Variants in SMPX observed in about 807,000 individuals in gnomAD.
SMPX encodes small muscle protein X-linked, also known as small muscular protein.
Under a neutral mutation model 6.3 loss-of-function variants are expected in SMPX, and 2 were observed. The observed-to-expected ratio is 0.32, with a 90% confidence interval of 0.13 to 0.99. SMPX has a LOEUF of 0.99. SMPX is among the 50% of genes least tolerant of loss of function. The probability of loss-of-function intolerance (pLI) is 0.49; values close to 1 mark genes in which losing one functional copy is unlikely to be tolerated. For synonymous variants in SMPX, 32 were observed against 24.7 expected (o/e 1.30, Z -0.88); for missense variants, 60 against 66.8 (o/e 0.90, Z 0.36).
At chrX:21,756,451 A>G (rs1416337102) in intron 1 of SMPX, among the ~76,000 whole-genome samples, 1 of 112,263 alleles carries the variant, frequency 8.9e-6, no homozygotes, top group Non-Finnish European at 1.9e-5. Flanking sequence ...ATCTCTTAAC[A>G]TGCATGTCAA....
At chrX:21,744,246 C>T (rs140498007) in intron 2 of SMPX, among the ~76,000 whole-genome samples, 5 of 111,643 alleles carry the variant, frequency 4.5e-5, no homozygotes, top group East Asian at 5.6e-4. Flanking sequence ...GCCCTCCTTC[C>T]GGTCCCTTCA....
rs1010496358 is a variant in SMPX at position 21,721,584 on chromosome X, C to T, written c.*15-15190G>A. ...AGACCAAGACACACATCAGGATCAC[C>T]TGAAGATTCTGTGAAACATACCCAT... On this transcript the variant is annotated intron_variant, in intron 4 of 4. Coordinates refer to ENST00000379494, the MANE Select transcript of SMPX (RefSeq NM_014332.3). Among the ~76,000 whole-genome samples the T allele has an allele frequency of 2.7e-5, 3 of 112,389 alleles. No individual in the cohort carries two copies. The Admixed American group carries it at 2.8e-4, about 11-fold the overall frequency.
At chrX:21,711,857 A>G (rs1478299812) in intron 4 of SMPX, among the ~76,000 whole-genome samples, 2 of 112,584 alleles carry the variant, frequency 1.8e-5, no homozygotes, top group Admixed American at 1.9e-4. Flanking sequence ...TTCCATATGC[A>G]ATGGCCAACC....
intron 4 of SMPX, among the ~76,000 whole-genome samples, chrX:21,717,712 T>C (rs2092786810): frequency 8.9e-6 from 1 of 112,054 alleles, no homozygotes. Context: ...CAGTCCTCCA[T>C]TGTGATGGGT....
chrX:21,739,480 G>A (rs758214420), intron 3 of SMPX, among the ~76,000 whole-genome samples: 2 of 112,013 alleles, frequency 1.8e-5, no homozygotes, highest in South Asian at 7.6e-4. Flanking sequence ...TAAATATCTG[G>A]AAAATACTGT....
At chrX:21,722,496 G>A (rs1351769831) in intron 4 of SMPX, among the ~76,000 whole-genome samples, 2 of 111,509 alleles carry the variant, frequency 1.8e-5, no homozygotes, top group Non-Finnish European at 3.8e-5. Context: ...AAAAAGTTAA[G>A]AAAAAAAACA....
At chrX:21,731,441 G>A (rs1188332714) in intron 4 of SMPX, among the ~76,000 whole-genome samples, 2 of 91,279 alleles carry the variant, frequency 2.2e-5, no homozygotes, top group South Asian at 1.1e-3. Flanking sequence ...GTGTGTATGT[G>A]TACACATACA....
chrX:21,748,538 A>G (rs955688601), intron 2 of SMPX, among the ~76,000 whole-genome samples: 3 of 111,736 alleles, frequency 2.7e-5, no homozygotes, highest in Non-Finnish European at 5.6e-5. Flanking sequence ...TTTTGCAAGT[A>G]TGTGTCTGCT....
At chrX:21,724,160 A>G (rs779470692) in intron 4 of SMPX, among the ~76,000 whole-genome samples, 1 of 112,285 alleles carries the variant, frequency 8.9e-6, no homozygotes, top group Admixed American at 9.4e-5. Flanking sequence ...GGTGTCTGGG[A>G]CACCATTTCT....
intron 3 of SMPX, among the ~76,000 whole-genome samples, chrX:21,743,089 A>C (rs751826145): frequency 8.9e-6 from 1 of 112,181 alleles, no homozygotes; most frequent in Non-Finnish European, 1.9e-5. Flanking sequence ...CCTCCAATTT[A>C]GCAGATCGGG....
chrX:21,750,169 T>C (rs1053403232), intron 2 of SMPX, among the ~76,000 whole-genome samples: 1 of 111,644 alleles, frequency 9.0e-6, no homozygotes, highest in African/African-American at 3.3e-5. Flanking sequence ...AGATCATTGA[T>C]GGGATTAGAT....
chrX:21,743,750 C>T lies in SMPX; in HGVS notation c.132G>A (p.Glu44=), dbSNP rs199907508. 756 of 1,198,986 alleles carry T rather than the reference C, an allele frequency of 6.3e-4. 1 individual carries two copies. Among genetic ancestry groups the T allele is most frequent in the Non-Finnish European group, 8.2e-4 (722 of 885,464 alleles). ...GTTCTGAGAGCTGAGTTTTCCTCAC[C>T]TCCTCCACTTCAGGAGTACATTCTT... ...RRKECTPEVE[E]GVPPTSDEEK... The change falls in exon 3 of 5, where the codon GAG becomes GAA. Residue 44 remains glutamate (E), a splice_region_variant and synonymous_variant. Transcript: ENST00000379494.
chrX:21,715,260 CTCTGTGTGTGTGTGTG>C (rs1190972529), intron 4 of SMPX, among the ~76,000 whole-genome samples: 19 of 77,549 alleles, frequency 2.5e-4, no homozygotes, highest in Admixed American at 9.9e-4. Context: ...ACTCACTCTG[CTCTGTGTGTGTGTGTG>C]TGTGTGTGTG....
chrX:21,755,530 G>A (rs747274543), intron 1 of SMPX, among the ~76,000 whole-genome samples: 2 of 112,231 alleles, frequency 1.8e-5, no homozygotes, highest in Non-Finnish European at 3.8e-5. Flanking sequence ...TACTACCATC[G>A]TCCATAGCTA....
chrX:21,752,723 T>C (rs141559827), intron 2 of SMPX, among the ~76,000 whole-genome samples: 5,121 of 110,867 alleles, frequency 0.046, 302 homozygotes, highest in African/African-American at 0.16. Flanking sequence ...TTCACCGTGT[T>C]AGCCAGGATG....
chrX:21,719,246 G>A (rs776390533), intron 4 of SMPX, among the ~76,000 whole-genome samples: 72 of 111,876 alleles, frequency 6.4e-4, no homozygotes, highest in Non-Finnish European at 1.1e-3. Context: ...GAGGCCGGGC[G>A]CAGTGGCTCA....
intron 3 of SMPX, among the ~76,000 whole-genome samples, chrX:21,740,656 C>A (rs1343029846): frequency 8.9e-6 from 1 of 112,154 alleles, no homozygotes; most frequent in Non-Finnish European, 1.9e-5. Flanking sequence ...GTTACATGTA[C>A]TAACTCATTT....
At chrX:21,729,187 G>A (rs1396996855) in intron 4 of SMPX, among the ~76,000 whole-genome samples, 3 of 112,827 alleles carry the variant, frequency 2.7e-5, no homozygotes, top group Non-Finnish European at 5.6e-5. Flanking sequence ...ACTGTTAAGA[G>A]ATTATAAATA....
At chrX:21,743,981 G>A in intron 2 of SMPX, 145 bp from the exon 3 acceptor site, 1 of 478,763 alleles carries the variant, frequency 2.1e-6, no homozygotes, top group South Asian at 3.0e-5. Context: ...TGTAATGACA[G>A]CATAAAAATA....
Sources: gnomAD v4.1 joint callset for allele counts (sites outside exome capture counted in the v4.1 genomes callset) on GRCh38, gnomAD v4.1.1 for gene constraint, MANE v1.5 for transcripts, NCBI Gene and HGNC (gene_info 2026-07-23, HGNC 2026-07-21) for gene names.